Variants in MIDEAS observed in about 807,000 individuals in gnomAD.
MIDEAS encodes the protein mitotic deacetylase-associated SANT domain protein.
A neutral mutation model predicts 102.7 loss-of-function variants in MIDEAS; 26 were observed. The observed-to-expected ratio is 0.25, with a 90% confidence interval of 0.19 to 0.35. The LOEUF (loss-of-function observed/expected upper bound fraction) is 0.35, where lower values mean the gene tolerates loss of function less well. MIDEAS is among the 10% of genes least tolerant of loss of function. The pLI, the probability that MIDEAS is intolerant of heterozygous loss-of-function variation, is 1.00. For missense variants in MIDEAS, 1,231 were observed against 1,435.6 expected (o/e 0.86, Z 2.30); for synonymous variants, 585 against 591.0 (o/e 0.99, Z 0.15).
chr14:73,785,689 T>C lies in MIDEAS; in HGVS notation c.-248+1413A>G, dbSNP rs201697089. ...CAGCTTTCCCGTTTAGAGAGGTTGA[T>C]AGCCATCTCCCATCTCCTTTTCCTA... On this transcript the variant is annotated intron_variant, in intron 1 of 11. Transcript: ENST00000394071. Among the ~76,000 whole-genome samples, 5 of 152,188 alleles carry C rather than the reference T, an allele frequency of 3.3e-5. No individual in the cohort carries two copies. In the East Asian group the frequency reaches 9.6e-4, roughly 29 times the overall value.
Position 73,726,112 on chromosome 14 carries a change from G to T in MIDEAS, c.2410-4C>A. Reference sequence around the variant, plus strand: ...GCAGCAGCTTATTCAGCGTTTCCTGGAGGGGAAGTGAGGGAAGGGTCAGGG... The same window carrying T: ...GCAGCAGCTTATTCAGCGTTTCCTGTAGGGGAAGTGAGGGAAGGGTCAGGG... On this transcript the variant is annotated splice_polypyrimidine_tract_variant and splice_region_variant and intron_variant, in intron 7 of 12. Coordinates refer to ENST00000423556, the MANE Select transcript of MIDEAS (RefSeq NM_001367710.1). The T allele has an allele frequency of 6.3e-7, 1 of 1,583,644 alleles. No homozygotes were observed. Among genetic ancestry groups the T allele is most frequent in the Non-Finnish European group, 8.6e-7 (1 of 1,165,014 alleles).
Position 73,759,435 on chromosome 14 carries a change from C to T in MIDEAS, c.-248+328G>A, listed in dbSNP as rs1275318219. ...GGAGGGCTTTCCTGGCGGGGCCGCG[C>T]CCGGGTGGGCGGGGGCCGCGCGCAA... is the stretch of plus-strand genomic sequence containing the variant. On this transcript the variant is annotated intron_variant, in intron 1 of 12. Coordinates refer to ENST00000423556, the MANE Select transcript of MIDEAS (RefSeq NM_001367710.1). The surrounding 1 kb of genome is among the most constrained non-coding windows in gnomAD (Gnocchi z 6.7). Among the ~76,000 whole-genome samples the T allele has an allele frequency of 5.3e-5, 8 of 151,294 alleles. No individual in the cohort carries two copies. The highest frequency in any genetic ancestry group is 4.2e-4 in the South Asian group (2 of 4,806).
intron 1 of MIDEAS, among the ~76,000 whole-genome samples, chr14:73,758,468 G>C (rs943409535): frequency 6.6e-6 from 1 of 152,208 alleles, no homozygotes; most frequent in African/African-American, 2.4e-5. Flanking sequence ...GAAGATCCCA[G>C]ATCACCTGGC....
intron 1 of MIDEAS, among the ~76,000 whole-genome samples, chr14:73,765,794 T>C (rs2053587706): frequency 6.6e-6 from 1 of 152,172 alleles, no homozygotes; most frequent in East Asian, 1.9e-4. Context: ...ATGGCAGCTC[T>C]TCCAGGAAGC....
intron 1 of MIDEAS, among the ~76,000 whole-genome samples, chr14:73,784,305 G>T (rs1464709164): frequency 6.6e-6 from 1 of 152,232 alleles, no homozygotes; most frequent in Non-Finnish European, 1.5e-5. Context: ...CTGTCTCTGT[G>T]TAACAACTTC....
chr14:73,740,400 A>G, intron 1 of MIDEAS, 145 bp from the exon 2 acceptor site: 1 of 397,164 alleles, frequency 2.5e-6, no homozygotes, highest in East Asian at 3.6e-5. Context: ...ACAGAGCAGC[A>G]TTGGTGAGGC....
chr14:73,752,368 G>C (rs1216373408), intron 1 of MIDEAS, among the ~76,000 whole-genome samples: 1 of 152,124 alleles, frequency 6.6e-6, no homozygotes, highest in African/African-American at 2.4e-5. Flanking sequence ...CATTCGTCTG[G>C]GGGAGGTAAA....
rs1555344807 is a variant in MIDEAS, at chr14:73,756,295, T to TGCGC, written c.-248+3464_-248+3467dup. The stretch of plus-strand genomic sequence containing the variant: ...GTGTGTGTGTGTGTGTGTGTGTGTG[T>TGCGC]GCGCGCGCGCGTGCGCGCTGAGGTG... On this transcript the variant is annotated intron_variant, in intron 1 of 12. Transcript: ENST00000423556. Among the ~76,000 whole-genome samples the TGCGC allele has an allele frequency of 1.5e-3, 186 of 127,686 alleles. 3 individuals are homozygous for TGCGC. The highest frequency in any genetic ancestry group is 0.014 in the South Asian group (53 of 3,690). 83.8% of individuals were successfully genotyped at this position (127,686 alleles called of 152,430 possible).
intron 1 of MIDEAS, among the ~76,000 whole-genome samples, chr14:73,781,182 T>C (rs1309873555): frequency 1.3e-5 from 2 of 152,204 alleles, no homozygotes; most frequent in Non-Finnish European, 2.9e-5. Flanking sequence ...TCAGTTAAAA[T>C]GAGAGTTAGC....
intron 1 of MIDEAS, among the ~76,000 whole-genome samples, chr14:73,748,725 C>T (rs10141575): frequency 0.51 from 76,182 of 148,994 alleles, 22,089 homozygotes; most frequent in East Asian, 0.87. Flanking sequence ...GCCAAGATCG[C>T]GCCACTGCAC....
At chr14:73,774,373 T>C (rs2053671261) in intron 1 of MIDEAS, among the ~76,000 whole-genome samples, 1 of 151,898 alleles carries the variant, frequency 6.6e-6, no homozygotes, top group African/African-American at 2.4e-5. Flanking sequence ...CTGTCCTGAC[T>C]GCCTCATGAC....
chr14:73,728,249 T>A, intron 4 of MIDEAS: 1 of 106,172 alleles, frequency 9.4e-6, no homozygotes, highest in African/African-American at 5.0e-5. Flanking sequence ...AAACACTCCT[T>A]TGCTTAAAAA....
At chr14:73,735,201 T>C (rs1319752895) in intron 3 of MIDEAS, among the ~76,000 whole-genome samples, 1 of 152,210 alleles carries the variant, frequency 6.6e-6, no homozygotes, top group Admixed American at 6.5e-5. Flanking sequence ...ATGATGACTA[T>C]CATTAGTAAC....
intron 1 of MIDEAS, among the ~76,000 whole-genome samples, chr14:73,758,215 A>C (rs1372467303): frequency 6.6e-6 from 1 of 152,222 alleles, no homozygotes; most frequent in Non-Finnish European, 1.5e-5. Context: ...CAGTTGGAAA[A>C]GGAAGACCTA....
chr14:73,754,931 C>A (rs1224030687), intron 1 of MIDEAS: 1 of 152,200 alleles, frequency 6.6e-6, no homozygotes, highest in African/African-American at 2.4e-5. Context: ...GATTCCAATT[C>A]CCCAGAGAAG....
At chr14:73,787,220 G>GGTGCGGCCCGGGCTGTGCGGCCCGGGCT (rs1032131648) in exon 1 of MIDEAS, 23 of 148,868 alleles carry the variant, frequency 1.5e-4, no homozygotes, top group East Asian at 7.8e-4. Flanking sequence ...CGGAGCGGGC[G>GGTGCGGCCCGGGCTGTGCGGCCCGGGCT]GTGCGGCCCG....
chr14:73,761,679 A>C (rs188035637), upstream of MIDEAS, among the ~76,000 whole-genome samples: 87 of 152,042 alleles, frequency 5.7e-4, no homozygotes, highest in Non-Finnish European at 1.1e-3. Flanking sequence ...CACCTTCTAC[A>C]AAAAAAAGCC....
At chr14:73,735,274 A>C (rs1025331991) in intron 3 of MIDEAS, among the ~76,000 whole-genome samples, 3 of 152,274 alleles carry the variant, frequency 2.0e-5, no homozygotes, top group Admixed American at 2.0e-4. Context: ...CCACAAAAAA[A>C]TAAGATTTGA....
upstream of MIDEAS, among the ~76,000 whole-genome samples, chr14:73,761,190 C>T (rs1219849987): frequency 6.6e-6 from 1 of 152,148 alleles, no homozygotes; most frequent in Non-Finnish European, 1.5e-5. Flanking sequence ...ACCATGTGTC[C>T]TGGCAGCCAC....
Sources: gnomAD v4.1 joint callset for allele counts (sites outside exome capture counted in the v4.1 genomes callset) on GRCh38, gnomAD v4.1.1 for gene constraint, Gnocchi (gnomAD v3.1) non-coding constraint, MANE v1.5 for transcripts, NCBI Gene and HGNC (gene_info 2026-07-23, HGNC 2026-07-21) for gene names.